The following DROSHA variants were observed in gnomAD, a reference collection of about 807,000 sequenced individuals.
The protein encoded by DROSHA is drosha ribonuclease III.
DROSHA carries 56 observed loss-of-function variants against 181.9 expected under a neutral mutation model. The ratio of observed to expected loss-of-function variants is 0.31; its 90% CI spans 0.25 to 0.38. DROSHA has a LOEUF of 0.38. DROSHA is among the 10% of genes least tolerant of loss of function. The pLI is 1.00. For synonymous variants in DROSHA, 524 were observed against 591.2 expected (o/e 0.89, Z 1.65); for missense variants, 1,218 against 1,743.5 (o/e 0.70, Z 5.37).
intron 20 of DROSHA, among the ~76,000 whole-genome samples, chr5:31,461,766 T>C (rs1389116968): frequency 2.0e-5 from 3 of 150,298 alleles, no homozygotes; most frequent in Non-Finnish European, 4.5e-5. Context: ...CTGTAAGGTT[T>C]TTTTTTTTTT....
intron 18 of DROSHA, chr5:31,467,712 C>A: frequency 2.7e-6 from 1 of 372,374 alleles, no homozygotes. Flanking sequence ...ACCAAGTTTG[C>A]CAAAAATATT....
intron 20 of DROSHA, among the ~76,000 whole-genome samples, chr5:31,453,778 C>A (rs748937891): frequency 6.6e-6 from 1 of 152,142 alleles, no homozygotes; most frequent in Non-Finnish European, 1.5e-5. Context: ...ATAGATGACC[C>A]GTGTCCATCT....
At chr5:31,495,083 T>G (rs879281777) in intron 12 of DROSHA, among the ~76,000 whole-genome samples, 1 of 152,176 alleles carries the variant, frequency 6.6e-6, no homozygotes, top group Non-Finnish European at 1.5e-5. Flanking sequence ...ATGCCAACAA[T>G]ATTTAATGAA....
At chr5:31,476,499 T>C (rs1182406165) in intron 16 of DROSHA, among the ~76,000 whole-genome samples, 1 of 152,214 alleles carries the variant, frequency 6.6e-6, no homozygotes, top group African/African-American at 2.4e-5. Context: ...ATTAAAAATA[T>C]ACATATACAC....
chr5:31,504,263 A>T (rs774643927), intron 11 of DROSHA, among the ~76,000 whole-genome samples: 2 of 152,092 alleles, frequency 1.3e-5, no homozygotes, highest in Non-Finnish European at 2.9e-5. Flanking sequence ...GAAACATAAA[A>T]CTATAATATG....
intron 18 of DROSHA, among the ~76,000 whole-genome samples, chr5:31,466,830 T>C (rs1749072151): frequency 6.6e-6 from 1 of 152,202 alleles, no homozygotes; most frequent in African/African-American, 2.4e-5. Context: ...TACCAATTTG[T>C]ATTTACCATG....
At chr5:31,466,157 C>G in intron 19 of DROSHA, 25 bp downstream of exon 19, 1 of 1,606,264 alleles carries the variant, frequency 6.2e-7, no homozygotes, top group South Asian at 1.1e-5. Flanking sequence ...TCGTTAATCA[C>G]CAAGGAATGG....
At chr5:31,505,227 G>A (rs1417728984) in intron 10 of DROSHA, among the ~76,000 whole-genome samples, 1 of 152,216 alleles carries the variant, frequency 6.6e-6, no homozygotes, top group South Asian at 2.1e-4. Context: ...TGGAACGGAT[G>A]AGTGCTAAGC....
Position 31,409,372 on chromosome 5 carries a change from T to C in DROSHA, c.3668-40A>G. The C allele has an allele frequency of 1.3e-6, 2 of 1,542,954 alleles. No individual in the cohort carries two copies. Among genetic ancestry groups the C allele is most frequent in the East Asian group, 2.4e-5 (1 of 40,962 alleles). On this transcript the variant is annotated intron_variant, in intron 31 of 35. Coordinates refer to ENST00000344624, the MANE Select transcript of DROSHA (RefSeq NM_001382508.1). This position sits in a 1 kb window ranked among gnomAD's most constrained non-coding sequence, Gnocchi z 4.0. ...ATACTTTAAAATAAACCACAATCAC[T>C]GCCATCTATCAGAAAGAGTAAGAGA...
chr5:31,512,517 C>G (rs1385663378), intron 8 of DROSHA, among the ~76,000 whole-genome samples: 1 of 152,172 alleles, frequency 6.6e-6, no homozygotes, highest in Non-Finnish European at 1.5e-5. Flanking sequence ...GAAGAGAACT[C>G]CTGATCTCTG....
intron 26 of DROSHA, among the ~76,000 whole-genome samples, chr5:31,429,817 A>G (rs908764280): frequency 3.9e-5 from 6 of 152,224 alleles, no homozygotes; most frequent in African/African-American, 1.4e-4. Context: ...TATGAAGGGT[A>G]AAGGTATAAA....
intron 13 of DROSHA, 47 bp downstream of exon 13, chr5:31,493,160 A>T: frequency 6.5e-7 from 1 of 1,541,446 alleles, no homozygotes; most frequent in Non-Finnish European, 8.8e-7. Flanking sequence ...AGAAGGGATG[A>T]AGGAGGTACA....
At chr5:31,403,414 T>C (rs1579960603) in intron 35 of DROSHA, among the ~76,000 whole-genome samples, 1 of 150,888 alleles carries the variant, frequency 6.6e-6, no homozygotes, top group South Asian at 2.1e-4. Flanking sequence ...CATACATATA[T>C]ACATATATAT....
chr5:31,524,990 G>A (rs897758099), intron 5 of DROSHA, among the ~76,000 whole-genome samples: 2 of 151,804 alleles, frequency 1.3e-5, no homozygotes, highest in Non-Finnish European at 2.9e-5. Flanking sequence ...AGTTCAGGAG[G>A]TCAAGACCAG....
chr5:31,429,681 T>C lies in DROSHA; in HGVS notation c.3146-136A>G, dbSNP rs536519678. 7.7e-5 allele frequency: 49 copies of C among 633,620 alleles called. No homozygotes were observed. The South Asian group carries it at 1.0e-3, about 13-fold the overall frequency. The allele number at this position is 633,620 out of a possible 1,614,324, so 39.2% of individuals were successfully genotyped here. ...AAATCAACATGTTCAGAAGCAATTG[T>C]CTTAAAGGTGACATTTCCCCTTTTT... On this transcript the variant is annotated intron_variant, in intron 26 of 35. Transcript: ENST00000344624.
At chr5:31,476,159 G>A (rs1561220406) in intron 16 of DROSHA, among the ~76,000 whole-genome samples, 1 of 152,232 alleles carries the variant, frequency 6.6e-6, no homozygotes. Context: ...GAGGTCAGGA[G>A]TTCGAGACCA....
chr5:31,474,538 T>G (rs975197484), intron 16 of DROSHA, among the ~76,000 whole-genome samples: 1 of 152,064 alleles, frequency 6.6e-6, no homozygotes, highest in African/African-American at 2.4e-5. Flanking sequence ...ACTTTTTTAA[T>G]TTTTTTGTAG....
intron 23 of DROSHA, among the ~76,000 whole-genome samples, chr5:31,447,865 C>A (rs1185618561): frequency 6.6e-6 from 1 of 152,046 alleles, no homozygotes; most frequent in Admixed American, 6.5e-5. Flanking sequence ...CAAGTGTTGA[C>A]AAAAATGTGA....
chr5:31,410,392 T>C (rs1481077113), intron 31 of DROSHA, among the ~76,000 whole-genome samples: 1 of 152,210 alleles, frequency 6.6e-6, no homozygotes. Context: ...CCTTCTTTCT[T>C]CTGTGCCCCT....
Sources: gnomAD v4.1 joint callset for allele counts (sites outside exome capture counted in the v4.1 genomes callset) on GRCh38, gnomAD v4.1.1 for gene constraint, Gnocchi (gnomAD v3.1) non-coding constraint, MANE v1.5 for transcripts, NCBI Gene and HGNC (gene_info 2026-07-23, HGNC 2026-07-21) for gene names.